The following RHOJ variants were observed in gnomAD, a reference collection of about 807,000 sequenced individuals.
The protein encoded by RHOJ is ras homolog family member J, also known as rho-related GTP-binding protein RhoJ.
Under a neutral mutation model 23.4 loss-of-function variants are expected in RHOJ, and 11 were observed. The ratio of observed to expected loss-of-function variants is 0.47; its 90% CI spans 0.30 to 0.78. RHOJ has a LOEUF of 0.78. Among genes scored for constraint, RHOJ ranks in the 30% least tolerant of loss-of-function variants. The pLI is 0.08. For missense variants in RHOJ, 254 were observed against 273.4 expected (o/e 0.93, Z 0.50); for synonymous variants, 102 against 102.7 (o/e 0.99, Z 0.04).
chr14:63,214,184 G>T (rs1894301716), intron 1 of RHOJ, among the ~76,000 whole-genome samples: 1 of 152,128 alleles, frequency 6.6e-6, no homozygotes, highest in South Asian at 2.1e-4. Flanking sequence ...TAAAAATGCA[G>T]ATTCTTGGGT....
intron 1 of RHOJ, among the ~76,000 whole-genome samples, chr14:63,229,110 A>C (rs1372116442): frequency 6.6e-6 from 1 of 152,256 alleles, no homozygotes; most frequent in Admixed American, 6.5e-5. Context: ...ATGCTCGTCA[A>C]GAAAAAGTCA....
intron 1 of RHOJ, among the ~76,000 whole-genome samples, chr14:63,235,860 C>G (rs2139626531): frequency 6.6e-6 from 1 of 152,214 alleles, no homozygotes; most frequent in South Asian, 2.1e-4. Flanking sequence ...TATCAAAAGA[C>G]TTGAGGTTAT....
chr14:63,280,875 T>C, intron 2 of RHOJ, 96 bp from the exon 3 acceptor site: 1 of 1,113,758 alleles, frequency 9.0e-7, no homozygotes, highest in South Asian at 2.1e-5. Context: ...GGGATCCCAG[T>C]GCGCTGTAGT....
chr14:63,281,223 C>A, intron 3 of RHOJ, 88 bp downstream of exon 3: 1 of 1,305,006 alleles, frequency 7.7e-7, no homozygotes, highest in Non-Finnish European at 1.1e-6. Context: ...TTCTGCCAAA[C>A]GCTATGGAAG....
At chr14:63,222,777 C>T (rs984502799) in intron 1 of RHOJ, among the ~76,000 whole-genome samples, 20 of 152,090 alleles carry the variant, frequency 1.3e-4, no homozygotes, top group Admixed American at 1.2e-3. Context: ...CTGTAGGTTG[C>T]CTGTTCACTC....
chr14:63,228,409 T>C (rs1236863239), intron 1 of RHOJ, among the ~76,000 whole-genome samples: 1 of 152,170 alleles, frequency 6.6e-6, no homozygotes, highest in Non-Finnish European at 1.5e-5. Flanking sequence ...CTTGGCAGCG[T>C]TGTTTGTAAT....
intron 4 of RHOJ, among the ~76,000 whole-genome samples, chr14:63,290,101 G>A (rs1417801962): frequency 1.3e-5 from 2 of 152,030 alleles, no homozygotes; most frequent in Non-Finnish European, 2.9e-5. Flanking sequence ...AAACTAACCC[G>A]GCTTGGTGGC....
chr14:63,262,086 T>G (rs1400100340), intron 1 of RHOJ, among the ~76,000 whole-genome samples: 1 of 152,148 alleles, frequency 6.6e-6, no homozygotes, highest in Non-Finnish European at 1.5e-5. Flanking sequence ...ATAACTGACC[T>G]GACATTTCCA....
intron 1 of RHOJ, among the ~76,000 whole-genome samples, chr14:63,238,652 G>A (rs1461681813): frequency 1.3e-5 from 2 of 152,042 alleles, no homozygotes; most frequent in African/African-American, 4.8e-5. Context: ...GAACTCCTGA[G>A]CTCAAGCAAT....
intron 2 of RHOJ, among the ~76,000 whole-genome samples, chr14:63,270,967 G>T (rs1427809882): frequency 1.3e-5 from 2 of 152,120 alleles, no homozygotes; most frequent in Non-Finnish European, 2.9e-5. Flanking sequence ...CTCTTTAAAA[G>T]CTCTTGTGGA....
chr14:63,229,376 G>A (rs1005936485), intron 1 of RHOJ, among the ~76,000 whole-genome samples: 1 of 152,216 alleles, frequency 6.6e-6, no homozygotes, highest in Non-Finnish European at 1.5e-5. Flanking sequence ...TAGGTCAGAA[G>A]TCCAGCAGGC....
chr14:63,225,209 C>T (rs1566609062), intron 1 of RHOJ, among the ~76,000 whole-genome samples: 1 of 152,116 alleles, frequency 6.6e-6, no homozygotes, highest in African/African-American at 2.4e-5. Flanking sequence ...CCTCGGCCTC[C>T]CAAAGTGCTG....
chr14:63,272,979 C>A (rs1449031264), intron 2 of RHOJ, among the ~76,000 whole-genome samples: 1 of 152,200 alleles, frequency 6.6e-6, no homozygotes, highest in African/African-American at 2.4e-5. Context: ...GCTGAGATCG[C>A]ACCATTGCAC....
intron 1 of RHOJ, among the ~76,000 whole-genome samples, chr14:63,208,227 ATTTTTAAAG>A (rs1173805396): frequency 6.6e-6 from 1 of 152,170 alleles, no homozygotes; most frequent in Non-Finnish European, 1.5e-5. Flanking sequence ...ACAAAAAACA[ATTTTTAAAG>A]TTCTACGAAT....
At chr14:63,282,041 T>C (rs1434653107) in intron 3 of RHOJ, among the ~76,000 whole-genome samples, 1 of 152,140 alleles carries the variant, frequency 6.6e-6, no homozygotes, top group African/African-American at 2.4e-5. Context: ...TTAGAGAAAG[T>C]AGAGGAATAC....
At chr14:63,206,560 G>A (rs554431564) in intron 1 of RHOJ, among the ~76,000 whole-genome samples, 11 of 152,246 alleles carry the variant, frequency 7.2e-5, no homozygotes, top group African/African-American at 2.6e-4. Context: ...AATCAAAGGC[G>A]GAACTGAAAA....
rs554317859 is a variant in RHOJ at position 63,257,399 on chromosome 14, C to A, written c.179-11711C>A. Among the ~76,000 whole-genome samples, 233 of 150,044 alleles carry A rather than the reference C, an allele frequency of 1.6e-3. 7 individuals carry two copies. Among genetic ancestry groups the A allele is most frequent in the Non-Finnish European group, 2.3e-3 (154 of 67,526 alleles). Reference sequence around the variant, plus strand: ...AGAAGTTTAACAATCCTCCAGAATTCATTTGGGTTTTCCCAGATGAAGGGT... The same window carrying A: ...AGAAGTTTAACAATCCTCCAGAATTAATTTGGGTTTTCCCAGATGAAGGGT... On this transcript the variant is annotated intron_variant, in intron 1 of 4. Coordinates refer to ENST00000316754, the MANE Select transcript of RHOJ (RefSeq NM_020663.5).
chr14:63,281,896 A>G (rs982583117), intron 3 of RHOJ, among the ~76,000 whole-genome samples: 6 of 152,224 alleles, frequency 3.9e-5, no homozygotes, highest in African/African-American at 1.4e-4. Flanking sequence ...CTTCATTGTT[A>G]TCTGTTTCAT....
chr14:63,254,876 C>T (rs1377311681), intron 1 of RHOJ, among the ~76,000 whole-genome samples: 3 of 152,072 alleles, frequency 2.0e-5, no homozygotes, highest in Non-Finnish European at 4.4e-5. Flanking sequence ...TTGAAGTCCC[C>T]ATATAGAAGA....
Sources: gnomAD v4.1 joint callset for allele counts (sites outside exome capture counted in the v4.1 genomes callset) on GRCh38, gnomAD v4.1.1 for gene constraint, MANE v1.5 for transcripts, NCBI Gene and HGNC (gene_info 2026-07-23, HGNC 2026-07-21) for gene names.